Variants in PDE3A observed in about 807,000 individuals in gnomAD.
The protein encoded by PDE3A is phosphodiesterase 3A.
In PDE3A, 43 loss-of-function variants were observed where a neutral mutation model predicts 98.3. The ratio of observed to expected loss-of-function variants is 0.44; its 90% CI spans 0.34 to 0.56. The LOEUF is 0.56. PDE3A is among the 20% of genes least tolerant of loss of function. PDE3A has a pLI of 0.01. For synonymous variants in PDE3A, 663 were observed against 567.9 expected (o/e 1.17, Z -2.38); for missense variants, 1,427 against 1,440.7 (o/e 0.99, Z 0.15).
intron 2 of PDE3A, among the ~76,000 whole-genome samples, chr12:20,562,204 G>A (rs901083035): frequency 3.4e-5 from 5 of 146,090 alleles, no homozygotes; most frequent in African/African-American, 1.3e-4. Context: ...GTAAAGAGAG[G>A]CAACAGAAAA....
rs762342926 is a variant in PDE3A, at chr12:20,639,899, A to T, written c.2193A>T (p.Pro731=). The T allele has an allele frequency of 2.5e-6, 4 of 1,581,734 alleles. No individual in the cohort carries two copies. The highest frequency in any genetic ancestry group is 3.5e-6 in the Non-Finnish European group (4 of 1,151,434). The change falls in exon 10 of 16, where the codon CCA becomes CCT. Residue 731 remains proline, a synonymous_variant. Transcript: ENST00000359062. ...GCCTCTTTGAAGCTTTTAAAATTCC[A>T]ATTAGGGAATTTATGAATTATTTTC... ...DMGLFEAFKI[P]IREFMNYFHA...
chr12:20,500,550 T>C (rs1365426836), intron 1 of PDE3A, among the ~76,000 whole-genome samples: 1 of 152,180 alleles, frequency 6.6e-6, no homozygotes, highest in African/African-American at 2.4e-5. Flanking sequence ...GTGATATCCT[T>C]TAAAATGTTT....
intron 2 of PDE3A, among the ~76,000 whole-genome samples, chr12:20,567,310 G>GAATT (rs974900096): frequency 6.6e-5 from 10 of 151,952 alleles, no homozygotes; most frequent in Middle Eastern, 3.2e-3. Flanking sequence ...AGCCCTTGAG[G>GAATT]AATTAGTGAA....
At chr12:20,413,565 A>G (rs749512479) in intron 1 of PDE3A, among the ~76,000 whole-genome samples, 2 of 152,182 alleles carry the variant, frequency 1.3e-5, no homozygotes, top group African/African-American at 2.4e-5. Flanking sequence ...GAAAGGCAGC[A>G]TTGGTGGAAC....
intron 1 of PDE3A, among the ~76,000 whole-genome samples, chr12:20,418,097 G>A (rs1397414916): frequency 1.3e-5 from 2 of 151,960 alleles, no homozygotes; most frequent in African/African-American, 2.4e-5. Context: ...GAGCCTCCCT[G>A]TAAGCTGTCC....
intron 1 of PDE3A, among the ~76,000 whole-genome samples, chr12:20,442,579 G>A (rs1448204855): frequency 2.0e-5 from 3 of 152,180 alleles, no homozygotes; most frequent in Admixed American, 6.6e-5. Flanking sequence ...ATCCTACCAC[G>A]TGGCTGAAAG....
chr12:20,369,354 A>G lies in PDE3A; in HGVS notation c.70A>G (p.Thr24Ala). The part of the protein sequence containing the change: ...PVHSGVSQAP[T>A]AGRDCHHRAD... The stretch of plus-strand genomic sequence containing the variant: ...CCACAGTGGGGTGAGTCAAGCCCCC[A>G]CGGCGGGCCGGGACTGCCACCATCG... Residue 24 changes from threonine to alanine, a missense_variant, in exon 1 of 16, where the codon ACG (threonine) becomes GCG (alanine). Coordinates refer to ENST00000359062, the MANE Select transcript of PDE3A (RefSeq NM_000921.5). The G allele has an allele frequency of 1.3e-6, 2 of 1,548,848 alleles. No homozygotes were observed. The highest frequency in any genetic ancestry group is 1.7e-6 in the Non-Finnish European group (2 of 1,146,550).
chr12:20,567,475 A>ATTACT (rs1307557240), intron 2 of PDE3A, among the ~76,000 whole-genome samples: 11 of 152,036 alleles, frequency 7.2e-5, no homozygotes, highest in Non-Finnish European at 1.0e-4. Context: ...ACAGCATATT[A>ATTACT]TTACTTTGAC....
intron 14 of PDE3A, among the ~76,000 whole-genome samples, chr12:20,653,004 G>A (rs1358855379): frequency 6.6e-6 from 1 of 152,178 alleles, no homozygotes. Context: ...GCAGAAAAAT[G>A]TAAATTAAAG....
chr12:20,433,671 T>A (rs1412444579), intron 1 of PDE3A, among the ~76,000 whole-genome samples: 2 of 152,108 alleles, frequency 1.3e-5, no homozygotes, highest in Admixed American at 6.6e-5. Flanking sequence ...ATACGTTTTT[T>A]AAAAAAATAC....
intron 1 of PDE3A, among the ~76,000 whole-genome samples, chr12:20,511,788 G>A (rs934076349): frequency 1.3e-5 from 2 of 152,020 alleles, no homozygotes; most frequent in Non-Finnish European, 2.9e-5. Context: ...AAGAGAAAGA[G>A]AGACTGCATT....
At chr12:20,510,003 T>C (rs1268532188) in intron 1 of PDE3A, among the ~76,000 whole-genome samples, 1 of 152,054 alleles carries the variant, frequency 6.6e-6, no homozygotes, top group Non-Finnish European at 1.5e-5. Flanking sequence ...GATATTTATA[T>C]GATAAAACAT....
rs1055521503 is a variant in PDE3A at position 20,563,756 on chromosome 12, G to T, written c.1011+7046G>T. ...ATATATTTGCCTAGGGCCTCACTTA[G>T]TGTAGGGATGGCTTTGTCATTGCAT... On this transcript the variant is annotated intron_variant, in intron 2 of 15. Transcript: ENST00000359062. Among the ~76,000 whole-genome samples the T allele has an allele frequency of 8.5e-5, 13 of 152,232 alleles. No homozygotes were observed. The East Asian group carries it at 2.3e-3, about 27-fold the overall frequency.
chr12:20,451,735 C>G (rs981707368), intron 1 of PDE3A, among the ~76,000 whole-genome samples: 1 of 152,268 alleles, frequency 6.6e-6, no homozygotes, highest in South Asian at 2.1e-4. Flanking sequence ...ACACGGCACC[C>G]CAGCATCTAG....
At chr12:20,584,804 T>A (rs1166591852) in intron 2 of PDE3A, among the ~76,000 whole-genome samples, 3 of 152,114 alleles carry the variant, frequency 2.0e-5, no homozygotes, top group African/African-American at 7.2e-5. Context: ...TTCTGGCAAT[T>A]TTCATTTTTT....
rs1942253005 is a variant in PDE3A at position 20,552,855 on chromosome 12, C to G, written c.961-3805C>G. ...CCATCACGACCGTGTGCCAGCACAA[C>G]GTGTGCAAGGACTGCCTGGACAGAT... is the stretch of plus-strand genomic sequence containing the variant. On this transcript the variant is annotated intron_variant, in intron 1 of 15. Transcript: ENST00000359062. The surrounding 1 kb of genome is among the most constrained non-coding windows in gnomAD (Gnocchi z 5.1). 1 of 1,613,780 alleles carries G rather than the reference C, an allele frequency of 6.2e-7. No individual in the cohort carries two copies. Among genetic ancestry groups the G allele is most frequent in the African/African-American group, 1.3e-5 (1 of 74,944 alleles).
At chr12:20,580,668 G>T (rs1006527977) in intron 2 of PDE3A, among the ~76,000 whole-genome samples, 1 of 152,058 alleles carries the variant, frequency 6.6e-6, no homozygotes, top group Non-Finnish European at 1.5e-5. Flanking sequence ...ATTGATCATG[G>T]GGCTAGGAAA....
chr12:20,519,602 A>G (rs1946385860), intron 1 of PDE3A, among the ~76,000 whole-genome samples: 1 of 152,244 alleles, frequency 6.6e-6, no homozygotes, highest in Non-Finnish European at 1.5e-5. Flanking sequence ...TAATACGAAT[A>G]TAATTCAGAC....
intron 1 of PDE3A, among the ~76,000 whole-genome samples, chr12:20,436,848 C>T (rs929714176): frequency 2.0e-5 from 3 of 152,114 alleles, no homozygotes; most frequent in African/African-American, 4.8e-5. Flanking sequence ...CATGTAATTG[C>T]GAATTAGCCC....
Sources: allele counts gnomAD v4.1 joint callset (sites outside exome capture counted in the v4.1 genomes callset), GRCh38; gene constraint gnomAD v4.1.1; non-coding constraint Gnocchi (gnomAD v3.1); transcripts MANE v1.5; gene names NCBI Gene and HGNC (gene_info 2026-07-23, HGNC 2026-07-21).